KRT10: variants seen among roughly 807,000 people sequenced by gnomAD.
The protein encoded by KRT10 is keratin, type I cytoskeletal 10.
A neutral mutation model predicts 59.2 loss-of-function variants in KRT10; 40 were observed. That is an observed-to-expected ratio of 0.68 (90% confidence interval 0.52 to 0.88). The LOEUF is 0.88. Among genes scored for constraint, KRT10 ranks in the 40% least tolerant of loss-of-function variants. The probability of loss-of-function intolerance (pLI) is 0.00; values close to 1 mark genes in which losing one functional copy is unlikely to be tolerated. For missense variants in KRT10, 719 were observed against 749.1 expected, an observed-to-expected ratio of 0.96 and a Z score of 0.47; for synonymous variants, 336 against 310.7, an observed-to-expected ratio of 1.08 and a Z score of -0.86.
At position 40,818,532 on chromosome 17, in the gene KRT10, G is replaced by A. The variant is rs763920771; in HGVS notation, c.1749-50C>T. 9.9e-6 allele frequency: 13 copies of A among 1,310,302 alleles called. No homozygotes were observed. In the East Asian group the frequency reaches 1.8e-4, roughly 19 times the overall value. 81.2% of individuals were successfully genotyped at this position (1,310,302 alleles called of 1,614,324 possible). A position where few individuals can be genotyped will look rare whatever the true frequency, so the allele number is the denominator to read the frequency against. ...TTTAAACAGTCTGTAGGGATCCTTA[G>A]TAATTAACAAGCAAATATTGTAAAA... On this transcript the variant is annotated intron_variant, in intron 7 of 7. Transcript: ENST00000269576.
chr17:40,822,295 A>C lies in KRT10; in HGVS notation c.291T>G (p.Ser97Arg), dbSNP rs1597822752. 2 of 1,593,006 alleles carry C rather than the reference A, an allele frequency of 1.3e-6. No individual in the cohort carries two copies. The highest frequency in any genetic ancestry group is 1.1e-5 in the South Asian group (1 of 89,538). Residue 97 changes from serine (S) to arginine (R), a missense_variant, in exon 1 of 8, where the codon AGT becomes AGG. Ser to Arg is a moderately radical substitution (Grantham distance 110). Transcript: ENST00000269576. ...TGCCCCCTCCAAAGATGCCTCCATA[A>C]CTCCCACCAAAGCTGCTACTTCCAT... ...GSYGSSSFGG[S>R]YGGIFGGGSF...
In KRT10 at chr17:40,822,449, C is replaced by T. The variant is rs1354551053; in HGVS notation, c.137G>A (p.Gly46Glu). The T allele has an allele frequency of 1.2e-6, 2 of 1,614,052 alleles. No homozygotes were observed. ...ACCACTGAACCCCCCTGAGCTAAATCCTCCACCAAGGGAGCCTTTGCTGCT... is the reference window on the plus strand; with the variant it reads ...ACCACTGAACCCCCCTGAGCTAAATTCTCCACCAAGGGAGCCTTTGCTGCT... ...ISSSKGSLGGGFSSGGFSGGS... is the reference protein window; with the variant it reads ...ISSSKGSLGGEFSSGGFSGGS... The change falls in exon 1 of 8, where the codon GGA (glycine) becomes GAA (glutamate). Residue 46 changes from glycine to glutamate, a missense_variant. Gly to Glu is a moderately conservative substitution (Grantham distance 98, BLOSUM62 -2). Around this residue, in one of 4 missense-constraint regions of KRT10, gnomAD observed 176 missense variants for 175.7 expected, o/e 1.00. Coordinates refer to ENST00000269576, the MANE Select transcript of KRT10 (RefSeq NM_000421.5).
chr17:40,820,879 A>G (rs1418142003), intron 2 of KRT10, among the ~76,000 whole-genome samples, 156 bp downstream of exon 2: 1 of 152,242 alleles, frequency 6.6e-6, no homozygotes, highest in Non-Finnish European at 1.5e-5. Flanking sequence ...CCAAAAAGGT[A>G]ACACTGACAT....
Position 40,820,096 on chromosome 17 carries a change from G to C in KRT10, c.1108C>G (p.Arg370Gly). The change falls in exon 5 of 8, where the codon CGT (arginine) becomes GGT (glycine). Residue 370 changes from arginine to glycine, a missense_variant. Physicochemically the swap from Arg to Gly is moderately radical, Grantham distance 125. Around this residue, in one of 4 missense-constraint regions of KRT10, gnomAD observed 221 missense variants for 277.8 expected, o/e 0.80. Transcript: ENST00000269576. ...TCTATCTCCAGAGCTTGTACATTAC[G>C]TCTCAATTCAGTAATCTCAGATTTA... ...SYKSEITELR[R>G]NVQALEIELQ... The C allele has an allele frequency of 1.2e-6, 2 of 1,613,298 alleles. No homozygotes were observed. Among genetic ancestry groups the C allele is most frequent in the Non-Finnish European group, 1.7e-6 (2 of 1,179,630 alleles).
At position 40,822,139 on chromosome 17, in the gene KRT10, G is replaced by A. The variant is rs1905433501; in HGVS notation, c.447C>T (p.Thr149=). 2 of 1,614,020 alleles carry A rather than the reference G, an allele frequency of 1.2e-6. No homozygotes were observed. The highest frequency in any genetic ancestry group is 4.5e-5 in the East Asian group (2 of 44,866). ...CCAGGCGGTCATTCAGATTCTGCATGGTTACTTTTTCATTTCCAGAGAGAA... is the reference window on the plus strand; with the variant it reads ...CCAGGCGGTCATTCAGATTCTGCATAGTTACTTTTTCATTTCCAGAGAGAA... ...GGLLSGNEKV[T]MQNLNDRLAS... Residue 149 remains threonine (T), a synonymous_variant, in exon 1 of 8, where the codon ACC becomes ACT. Transcript: ENST00000269576.
chr17:40,819,612 C>T lies in KRT10; in HGVS notation c.1278G>A (p.Glu426=). 1 of 1,614,232 alleles carries T rather than the reference C, an allele frequency of 6.2e-7. No individual in the cohort carries two copies. The highest frequency in any genetic ancestry group is 1.1e-5 in the South Asian group (1 of 91,086). ...EQLQQIRAET[E]CQNTEYQQLL... ...GTTGTTGGTATTCAGTATTCTGGCA[C>T]TCGGTTTCAGCTCGAATCTGTTGCA... Residue 426 remains glutamate, a synonymous_variant, in exon 6 of 8, where the codon GAG becomes GAA. Transcript: ENST00000269576.
chr17:40,818,461 ATTACTCT>A lies in KRT10; in HGVS notation c.*8_*14del. Reference sequence around the variant, plus strand: ...CGCCACCTCTTCAATAATTGTCTTGATTACTCTGGTTTTGTTAGTATCTGTGTGAATG... The same window carrying A: ...CGCCACCTCTTCAATAATTGTCTTGAGGTTTTGTTAGTATCTGTGTGAATG... On this transcript the variant is annotated 3_prime_UTR_variant, in exon 8 of 8. Transcript: ENST00000269576. The A allele has an allele frequency of 6.2e-7, 1 of 1,612,738 alleles. No individual in the cohort carries two copies. The highest frequency in any genetic ancestry group is 1.3e-5 in the African/African-American group (1 of 74,996).
intron 1 of KRT10, 69 bp from the exon 2 acceptor site, chr17:40,821,186 G>A: frequency 1.9e-6 from 2 of 1,070,958 alleles, no homozygotes; most frequent in Non-Finnish European, 2.9e-6. Flanking sequence ...TGACATAGAT[G>A]CACTCTGCAC....
rs1288227754 is a variant in KRT10 at position 40,822,447 on chromosome 17, A to G, written c.139T>C (p.Phe47Leu). Residue 47 changes from phenylalanine (F) to leucine (L), a missense_variant, in exon 1 of 8, where the codon TTT becomes CTT. By Grantham distance (22) the Phe-to-Leu change is conservative. Around this residue, in one of 4 missense-constraint regions of KRT10, gnomAD observed 176 missense variants for 175.7 expected, o/e 1.00. Coordinates refer to ENST00000269576, the MANE Select transcript of KRT10 (RefSeq NM_000421.5). ...CCACCACTGAACCCCCCTGAGCTAAATCCTCCACCAAGGGAGCCTTTGCTG... is the reference window on the plus strand; with the variant it reads ...CCACCACTGAACCCCCCTGAGCTAAGTCCTCCACCAAGGGAGCCTTTGCTG... The part of the protein sequence containing the change: ...SSSKGSLGGG[F>L]SSGGFSGGSF... 5.0e-6 allele frequency: 8 copies of G among 1,613,666 alleles called. No individual in the cohort carries two copies. The African/African-American group carries it at 9.4e-5, about 19-fold the overall frequency.
intron 1 of KRT10, 37 bp downstream of exon 1, chr17:40,821,922 C>G: frequency 6.2e-7 from 1 of 1,605,268 alleles, no homozygotes; most frequent in Non-Finnish European, 8.5e-7. Flanking sequence ...ATTACATGGA[C>G]AAGATACTTA....
In KRT10 at chr17:40,818,924, GCCGCCGGAACTGCCACCA is replaced by G. The variant is rs1905189767; in HGVS notation, c.1593_1610del (p.Ser534_Gly539del). 3.5e-6 allele frequency: 5 copies of G among 1,414,794 alleles called. No homozygotes were observed. Among genetic ancestry groups the G allele is most frequent in the African/African-American group, 3.1e-5 (2 of 65,570 alleles). 87.6% of individuals were successfully genotyped at this position (1,414,794 alleles called of 1,614,324 possible). A position where few individuals can be genotyped will look rare whatever the true frequency, so the allele number is the denominator to read the frequency against. On this transcript the variant is annotated inframe_deletion, in exon 7 of 8. Coordinates refer to ENST00000269576, the MANE Select transcript of KRT10 (RefSeq NM_000421.5). The stretch of plus-strand genomic sequence containing the variant: ...TGCCGCCCCCGTAGCCGCCGCCGCC[GCCGCCGGAACTGCCACCA>G]CCGTAGCCGCCGCTGGAACTGCCGC...
rs780085592 is a variant in KRT10, at chr17:40,820,294, G to A, written c.997C>T (p.Arg333Cys). 6 of 1,614,012 alleles carry A rather than the reference G, an allele frequency of 3.7e-6. No homozygotes were observed. The highest frequency in any genetic ancestry group is 1.7e-5 in the Admixed American group (1 of 59,998). ...SQYEQLAEQN[R>C]KDAEAWFNEK... ...TTGAACCAGGCTTCAGCATCTTTGC[G>A]GTTTTGTTCAGCAAGTTGTTCATAT... The change falls in exon 4 of 8, where the codon CGC becomes TGC. Residue 333 changes from arginine to cysteine, a missense_variant. Transcript: ENST00000269576.
rs759192704 is a variant in KRT10 at position 40,822,313 on chromosome 17, A to T, written c.273T>A (p.Ser91Arg). The change falls in exon 1 of 8, where the codon AGT becomes AGA. Residue 91 changes from serine to arginine, a missense_variant. By Grantham distance (110) the Ser-to-Arg change is moderately radical. Transcript: ENST00000269576. ...GGGSFRGSYG[S>R]SSFGGSYGGI... ...CTCCATAACTCCCACCAAAGCTGCT[A>T]CTTCCATAGCTTCCACGAAAGCTAC... 1.9e-6 allele frequency: 3 copies of T among 1,595,610 alleles called. No homozygotes were observed. The South Asian group carries it at 3.4e-5, about 18-fold the overall frequency.
Position 40,822,521 on chromosome 17 carries a change from C to T in KRT10, c.65G>A (p.Gly22Glu), listed in dbSNP as rs968911030. ...TCCTCCTCCTCCTCCACATCCTCCT[C>T]CTCCTCCTCCTCCTCCACTGCGGGA... Reference protein sequence around the residue: ...SSSRSGGGGGGGGCGGGGGVS... With the variant: ...SSSRSGGGGGEGGCGGGGGVS... The change falls in exon 1 of 8, where the codon GGA (glycine) becomes GAA (glutamate). Residue 22 changes from glycine (G) to glutamate (E), a missense_variant. Gly to Glu is a moderately conservative substitution (Grantham distance 98). This residue lies in a region of KRT10 where 176 missense variants were observed against 175.7 expected (regional missense o/e 1.00). Transcript: ENST00000269576. 1.2e-6 allele frequency: 2 copies of T among 1,609,064 alleles called. No individual in the cohort carries two copies. Among genetic ancestry groups the T allele is most frequent in the African/African-American group, 1.3e-5 (1 of 75,002 alleles).
chr17:40,819,820 A>G lies in KRT10; in HGVS notation c.1156-86T>C, dbSNP rs1427553295. 116 of 1,239,766 alleles carry G rather than the reference A, an allele frequency of 9.4e-5. No individual in the cohort carries two copies. The South Asian group carries it at 1.4e-3, about 15-fold the overall frequency. The allele number at this position is 1,239,766 out of a possible 1,614,324, so 76.8% of individuals were successfully genotyped here. On this transcript the variant is annotated intron_variant, in intron 5 of 7. Transcript: ENST00000269576. The stretch of plus-strand genomic sequence containing the variant: ...ATTTGATTATTTAGTAAGGCATTAT[A>G]TAGAAGAATAAGAAAATGAACAGAA...
chr17:40,821,861 T>TAAGC, intron 1 of KRT10, 98 bp downstream of exon 1: 1 of 1,260,200 alleles, frequency 7.9e-7, no homozygotes, highest in Non-Finnish European at 1.2e-6. Context: ...GTAACATGGG[T>TAAGC]AAGCATAGTG....
In KRT10 at chr17:40,820,274, C is replaced by T; in HGVS notation, c.1017G>A (p.Trp339Ter). The change falls in exon 4 of 8, where the codon TGG becomes TGA. Residue 339 changes from tryptophan to a stop codon, truncating the protein, a stop_gained. Transcript: ENST00000269576. LOFTEE classifies it high-confidence loss of function. ...AAGATTACTTTACCTTTTCATTGAA[C>T]CAGGCTTCAGCATCTTTGCGGTTTT... ...AEQNRKDAEA[W>*]FNEKSKELTT... 2 of 1,614,164 alleles carry T rather than the reference C, an allele frequency of 1.2e-6. No homozygotes were observed. The highest frequency in any genetic ancestry group is 1.7e-6 in the Non-Finnish European group (2 of 1,180,040).
chr17:40,822,232 A>G lies in KRT10; in HGVS notation c.354T>C (p.Gly118=), dbSNP rs757275527. 4 of 1,610,552 alleles carry G rather than the reference A, an allele frequency of 2.5e-6. No individual in the cohort carries two copies. Among genetic ancestry groups the G allele is most frequent in the Non-Finnish European group, 2.5e-6 (3 of 1,177,288 alleles). Residue 118 remains glycine (G), a synonymous_variant, in exon 1 of 8, where the codon GGT becomes GGC. Coordinates refer to ENST00000269576, the MANE Select transcript of KRT10 (RefSeq NM_000421.5). Reference sequence around the variant, plus strand: ...AGCCGCCTCCACCAAAGCCGCCTCCACCAAAGCTGCCCCCACCAAAGCTGC... The same window carrying G: ...AGCCGCCTCCACCAAAGCCGCCTCCGCCAAAGCTGCCCCCACCAAAGCTGC... ...GGGSFGGGSF[G]GGGFGGGGFG...
chr17:40,818,317 T>G lies in KRT10; in HGVS notation c.*159A>C, dbSNP rs538043316. 1,372 of 954,258 alleles carry G rather than the reference T, an allele frequency of 1.4e-3. No homozygotes were observed. Among genetic ancestry groups the G allele is most frequent in the Non-Finnish European group, 2.0e-3 (1,240 of 622,902 alleles). 59.1% of individuals were successfully genotyped at this position (954,258 alleles called of 1,614,324 possible). On this transcript the variant is annotated 3_prime_UTR_variant, in exon 8 of 8. Transcript: ENST00000269576. ...GAAGTGTTTTCTTGGAGACTTTGTT[T>G]TCCATGCATCTGTAAATAATGGTCT... is the stretch of plus-strand genomic sequence containing the variant.
Sources: allele counts gnomAD v4.1 joint callset (sites outside exome capture counted in the v4.1 genomes callset), GRCh38; gene constraint gnomAD v4.1.1; regional missense constraint gnomAD v4.1.1; transcripts MANE v1.5; gene names NCBI Gene and HGNC (gene_info 2026-07-23, HGNC 2026-07-21).